The following EEF1G variants were observed in gnomAD, a reference collection of about 807,000 sequenced individuals.
EEF1G encodes the protein elongation factor 1-gamma.
A neutral mutation model predicts 58.3 loss-of-function variants in EEF1G; 14 were observed. The ratio of observed to expected loss-of-function variants is 0.24; its 90% CI spans 0.16 to 0.38. The LOEUF (loss-of-function observed/expected upper bound fraction) is 0.38, where lower values mean the gene tolerates loss of function less well. EEF1G is among the 10% of genes least tolerant of loss of function. EEF1G has a pLI of 1.00. For missense variants in EEF1G, 322 were observed against 550.1 expected, an observed-to-expected ratio of 0.59 and a Z score of 4.15; for synonymous variants, 180 against 206.8, an observed-to-expected ratio of 0.87 and a Z score of 1.11.
chr11:62,562,408 C>T (rs1222899475), intron 7 of EEF1G, among the ~76,000 whole-genome samples: 1 of 151,984 alleles, frequency 6.6e-6, no homozygotes, highest in Non-Finnish European at 1.5e-5. Flanking sequence ...TGTGTGTGTG[C>T]ATATACATAC....
chr11:62,563,881 C>A (rs1011235275), intron 7 of EEF1G, among the ~76,000 whole-genome samples: 1 of 152,196 alleles, frequency 6.6e-6, no homozygotes, highest in Admixed American at 6.5e-5. Flanking sequence ...ATCTGAGGAG[C>A]CTTAAAACCT....
chr11:62,564,057 G>A (rs1941528764), intron 7 of EEF1G, among the ~76,000 whole-genome samples: 1 of 152,186 alleles, frequency 6.6e-6, no homozygotes, highest in Admixed American at 6.5e-5. Context: ...ACCTCAGCCT[G>A]CCAAGTAGTA....
At chr11:62,560,241 C>A in intron 8 of EEF1G, 41 bp downstream of exon 8, 1 of 1,613,976 alleles carries the variant, frequency 6.2e-7, no homozygotes, top group Non-Finnish European at 8.5e-7. Flanking sequence ...ACAGCACTTG[C>A]TACACCTTGT....
chr11:62,565,290 G>A (rs1941543711), intron 7 of EEF1G, among the ~76,000 whole-genome samples: 2 of 151,994 alleles, frequency 1.3e-5, no homozygotes, highest in Non-Finnish European at 1.5e-5. Flanking sequence ...AGAGGCTGAG[G>A]TGGGAGGATC....
chr11:62,560,174 G>A lies in EEF1G; in HGVS notation c.1050C>T (p.Asp350=), dbSNP rs758090035. The A allele has an allele frequency of 1.1e-5, 17 of 1,613,930 alleles. No homozygotes were observed. The South Asian group carries it at 1.8e-4, about 17-fold the overall frequency. The change falls in exon 9 of 10, where the codon GAC becomes GAT. Residue 350 remains aspartate, a synonymous_variant. Transcript: ENST00000329251. ...NLITGMFQRL[D]KLRKNAFASV... is the part of the protein sequence containing the mutation. ...TGGCGAAGGCATTCTTCCTCAGCTTGTCCAGTCGCTGGAACATTCCTGAAG... is the reference window on the plus strand; with the variant it reads ...TGGCGAAGGCATTCTTCCTCAGCTTATCCAGTCGCTGGAACATTCCTGAAG...
Position 62,572,755 on chromosome 11 carries a change from G to C in EEF1G, c.13-13C>G, listed in dbSNP as rs376830310. 1.2e-6 allele frequency: 2 copies of C among 1,601,500 alleles called. No homozygotes were observed. The highest frequency in any genetic ancestry group is 8.5e-7 in the Non-Finnish European group (1 of 1,170,366). The stretch of plus-strand genomic sequence containing the variant: ...ACGTGTACAGGGTCTATGGGAGAAA[G>C]AGAGGGACAAAATTAATGAGTAGAA... On this transcript the variant is annotated splice_polypyrimidine_tract_variant and intron_variant, in intron 1 of 9. Coordinates refer to ENST00000329251, the MANE Select transcript of EEF1G (RefSeq NM_001404.5).
intron 7 of EEF1G, among the ~76,000 whole-genome samples, chr11:62,561,449 C>T (rs1159482608): frequency 1.4e-5 from 2 of 145,608 alleles, no homozygotes; most frequent in East Asian, 2.0e-4. Flanking sequence ...CCGAGGCGGG[C>T]GGATCACGAG....
At chr11:62,567,217 G>T in intron 6 of EEF1G, 182 bp downstream of exon 6, 1 of 935,668 alleles carries the variant, frequency 1.1e-6, no homozygotes, top group Non-Finnish European at 1.6e-6. Context: ...AATCTATATA[G>T]TAATACAAAT....
intron 7 of EEF1G, 56 bp downstream of exon 7, chr11:62,566,750 A>T: frequency 6.5e-7 from 1 of 1,527,858 alleles, no homozygotes; most frequent in East Asian, 2.3e-5. Flanking sequence ...GGGGACATAC[A>T]GAGGTGAGAA....
At chr11:62,568,586 A>C (rs919276573) in intron 5 of EEF1G, among the ~76,000 whole-genome samples, 3 of 151,794 alleles carry the variant, frequency 2.0e-5, no homozygotes, top group South Asian at 2.1e-4. Flanking sequence ...TAATGGATGG[A>C]TGCTTGGGTC....
At position 62,567,003 on chromosome 11, in the gene EEF1G, C is replaced by G; in HGVS notation, c.660G>C (p.Lys220Asn). Reference protein sequence around the residue: ...CEKMAQFDAKKFAETQPKKDT... With the variant: ...CEKMAQFDAKNFAETQPKKDT... The stretch of plus-strand genomic sequence containing the variant: ...CCTTTTTAGGTTGGGTCTCTGCAAA[C>G]TTTTTAGCTGGTGCAGAGGAAGGCA... The change falls in exon 7 of 10, where the codon AAG becomes AAC. Residue 220 changes from lysine to asparagine, a missense_variant. This residue lies in a region of EEF1G where 208 missense variants were observed against 323.7 expected (regional missense o/e 0.64). Transcript: ENST00000329251. 6.2e-7 allele frequency: 1 copy of G among 1,613,926 alleles called. No homozygotes were observed. Among genetic ancestry groups the G allele is most frequent in the Non-Finnish European group, 8.5e-7 (1 of 1,179,890 alleles).
At chr11:62,561,658 C>G (rs1461553366) in intron 7 of EEF1G, among the ~76,000 whole-genome samples, 2 of 116,436 alleles carry the variant, frequency 1.7e-5, no homozygotes, top group Non-Finnish European at 3.5e-5. Context: ...AAGACTCCGT[C>G]TCAAAAAAAA....
chr11:62,561,490 T>C (rs1004995172), intron 7 of EEF1G, among the ~76,000 whole-genome samples: 3 of 138,868 alleles, frequency 2.2e-5, no homozygotes, highest in African/African-American at 8.1e-5. Flanking sequence ...CTGGCCAACA[T>C]GGTGAAAACC....
intron 7 of EEF1G, among the ~76,000 whole-genome samples, chr11:62,562,421 A>G (rs1288002360): frequency 6.7e-6 from 1 of 149,364 alleles, no homozygotes; most frequent in Non-Finnish European, 1.5e-5. Context: ...ATACATACAC[A>G]TATATATATA....
At chr11:62,565,570 T>A (rs1941546497) in intron 7 of EEF1G, among the ~76,000 whole-genome samples, 1 of 152,182 alleles carries the variant, frequency 6.6e-6, no homozygotes, top group African/African-American at 2.4e-5. Context: ...CTACTATATG[T>A]GAAAATCTCT....
intron 1 of EEF1G, 95 bp downstream of exon 1, chr11:62,573,736 T>C (rs2134298784): frequency 5.1e-6 from 8 of 1,562,168 alleles, no homozygotes; most frequent in Non-Finnish European, 7.0e-6. Context: ...AGTTCCCCAC[T>C]CAACCTCAGA....
At chr11:62,559,864 C>G in intron 9 of EEF1G, 27 bp from the exon 10 acceptor site, 1 of 1,613,860 alleles carries the variant, frequency 6.2e-7, no homozygotes, top group South Asian at 1.1e-5. Flanking sequence ...AGCATGTGGT[C>G]AAGTTATGAG....
rs147628715 is a variant in EEF1G, at chr11:62,567,017, C to T, written c.653-7G>A. 2.0e-5 allele frequency: 32 copies of T among 1,613,634 alleles called. No individual in the cohort carries two copies. The East Asian group carries it at 6.9e-4, about 35-fold the overall frequency. On this transcript the variant is annotated splice_polypyrimidine_tract_variant and splice_region_variant and intron_variant, in intron 6 of 9. Transcript: ENST00000329251. The stretch of plus-strand genomic sequence containing the variant: ...GTCTCTGCAAACTTTTTAGCTGGTG[C>T]AGAGGAAGGCAGGAAAGTGAACGAA...
chr11:62,571,790 C>CA (rs2134297107), intron 3 of EEF1G, 48 bp downstream of exon 3: 1 of 1,568,504 alleles, frequency 6.4e-7, no homozygotes, highest in South Asian at 1.2e-5. Context: ...TCCTCTCCTA[C>CA]ACCCTCACCT....
Sources: gnomAD v4.1 joint callset for allele counts (sites outside exome capture counted in the v4.1 genomes callset) on GRCh38, gnomAD v4.1.1 for gene constraint, gnomAD v4.1.1 regional missense constraint, MANE v1.5 for transcripts, NCBI Gene and HGNC (gene_info 2026-07-23, HGNC 2026-07-21) for gene names.